The following SVEP1 variants were observed in gnomAD, a reference collection of about 807,000 sequenced individuals.
The protein encoded by SVEP1 is sushi, von Willebrand factor type A, EGF and pentraxin domain containing 1.
A neutral mutation model predicts 367.3 loss-of-function variants in SVEP1; 164 were observed. That is an observed-to-expected ratio of 0.45 (90% CI 0.39 to 0.51). The LOEUF (loss-of-function observed/expected upper bound fraction) is 0.51, where lower values mean the gene tolerates loss of function less well. SVEP1 is among the 20% of genes least tolerant of loss of function. The pLI is 0.00. For synonymous variants in SVEP1, 1,666 were observed against 1,611.6 expected, an observed-to-expected ratio of 1.03 and a Z score of -0.81; for missense variants, 4,117 against 4,425.3, an observed-to-expected ratio of 0.93 and a Z score of 1.98.
chr9:110,517,398 G>A (rs919986385), intron 3 of SVEP1, among the ~76,000 whole-genome samples: 1 of 151,988 alleles, frequency 6.6e-6, no homozygotes, highest in Non-Finnish European at 1.5e-5. Context: ...AGGAGTTCAA[G>A]ACTGCCCTGG....
intron 3 of SVEP1, among the ~76,000 whole-genome samples, chr9:110,545,585 C>T (rs1564172838): frequency 6.6e-6 from 1 of 152,166 alleles, no homozygotes; most frequent in Non-Finnish European, 1.5e-5. Flanking sequence ...TTACCAGTTA[C>T]ATGTGGCCTG....
At chr9:110,428,280 G>T (rs538692457) in intron 35 of SVEP1, among the ~76,000 whole-genome samples, 1 of 152,142 alleles carries the variant, frequency 6.6e-6, no homozygotes, top group Non-Finnish European at 1.5e-5. Flanking sequence ...TTCTCAACTT[G>T]ATTCTGATAG....
intron 18 of SVEP1, among the ~76,000 whole-genome samples, chr9:110,463,691 G>T (rs1384270065): frequency 6.6e-6 from 1 of 151,376 alleles, no homozygotes; most frequent in East Asian, 1.9e-4. Flanking sequence ...AAAGGCAGGT[G>T]AAAGAAAAAG....
At chr9:110,426,384 T>G (rs2118540151) in intron 36 of SVEP1, among the ~76,000 whole-genome samples, 1 of 152,342 alleles carries the variant, frequency 6.6e-6, no homozygotes, top group Non-Finnish European at 1.5e-5. Context: ...ATTGATTTTT[T>G]TTTTCTGGTT....
intron 27 of SVEP1, 92 bp downstream of exon 27, chr9:110,443,453 C>T: frequency 8.6e-7 from 1 of 1,162,162 alleles, no homozygotes; most frequent in African/African-American, 1.6e-5. Flanking sequence ...TTGTTTGAAA[C>T]CAAGAACAAC....
chr9:110,551,223 T>C (rs16915122), intron 1 of SVEP1, among the ~76,000 whole-genome samples: 15,398 of 152,218 alleles, frequency 0.1, 962 homozygotes, highest in East Asian at 0.31. Flanking sequence ...CAATTCACTT[T>C]AGGGTGCAGA....
chr9:110,452,783 A>G (rs1828713104), intron 22 of SVEP1, among the ~76,000 whole-genome samples: 1 of 152,192 alleles, frequency 6.6e-6, no homozygotes, highest in African/African-American at 2.4e-5. Flanking sequence ...TGTCCACTAT[A>G]ATTGATAGAG....
At chr9:110,463,355 TA>T (rs902511236) in intron 18 of SVEP1, among the ~76,000 whole-genome samples, 1 of 152,050 alleles carries the variant, frequency 6.6e-6, no homozygotes, top group African/African-American at 2.4e-5. Context: ...TTATAAAAAG[TA>T]AAATGTACAA....
intron 38 of SVEP1, 81 bp downstream of exon 38, chr9:110,406,079 A>C (rs1827949516): frequency 6.7e-7 from 1 of 1,490,058 alleles, no homozygotes; most frequent in African/African-American, 1.4e-5. Flanking sequence ...TTTCTTCCCA[A>C]TCAGCAAAAT....
In SVEP1 at chr9:110,427,620, C is replaced by T. The variant is rs1396151911; in HGVS notation, c.5946G>A (p.Arg1982=). Residue 1982 remains arginine (R), a synonymous_variant, in exon 36 of 48, where the codon AGG becomes AGA. Transcript: ENST00000374469. ...CTTTGCAAGTGTAAGTGACGGTGTT[C>T]CTGAAAGTGAAGTTATTCCCCGTAA... The part of the protein sequence containing the change: ...AVITGNNFTF[R]NTVTYTCKEG... 1.2e-6 allele frequency: 2 copies of T among 1,613,756 alleles called. No individual in the cohort carries two copies. Among genetic ancestry groups the T allele is most frequent in the Non-Finnish European group, 1.7e-6 (2 of 1,179,782 alleles).
rs1179715759 is a variant in SVEP1 at position 110,496,830 on chromosome 9, G to A, written c.1785C>T (p.Asp595=). The change falls in exon 8 of 48, where the codon GAC becomes GAT. Residue 595 remains aspartate, a synonymous_variant. Transcript: ENST00000374469. ...CAAACCTTACCTTTTCACCAGAGTT[G>A]TCTTTAGCTGTTGGAATCTGCCAGG... ...NVTWQIPTAK[D]NSGEKVSVHV... is the part of the protein sequence containing the mutation. 2 of 1,555,474 alleles carry A rather than the reference G, an allele frequency of 1.3e-6. No individual in the cohort carries two copies. The highest frequency in any genetic ancestry group is 1.7e-6 in the Non-Finnish European group (2 of 1,148,114).
chr9:110,410,984 T>C (rs1464954482), intron 37 of SVEP1, 79 bp downstream of exon 37: 3 of 1,330,778 alleles, frequency 2.3e-6, no homozygotes, highest in African/African-American at 3.0e-5. Context: ...GTGTTTGGAC[T>C]CAATTATTTG....
Position 110,396,316 on chromosome 9 carries a change from A to G in SVEP1, c.9822+4538T>C, listed in dbSNP as rs1827758407. ...TGAAACCAATGAGAACAAAGACACA[A>G]CATACCAGAATCTCTGGGACACATT... is the stretch of plus-strand genomic sequence containing the variant. On this transcript the variant is annotated intron_variant, in intron 40 of 47. Coordinates refer to ENST00000374469, the MANE Select transcript of SVEP1 (RefSeq NM_153366.4). Among the ~76,000 whole-genome samples, 3 of 152,066 alleles carry G rather than the reference A, an allele frequency of 2.0e-5. No homozygotes were observed. In the South Asian group the frequency reaches 6.2e-4, roughly 31 times the overall value.
intron 3 of SVEP1, among the ~76,000 whole-genome samples, chr9:110,528,840 AAAATTT>A (rs1225688354): frequency 1.3e-5 from 2 of 151,630 alleles, no homozygotes; most frequent in African/African-American, 4.8e-5. Flanking sequence ...ATTTTAAATT[AAAATTT>A]AAATTACATT....
intron 13 of SVEP1, among the ~76,000 whole-genome samples, chr9:110,477,703 CT>C (rs1829118448): frequency 6.6e-6 from 1 of 152,118 alleles, no homozygotes; most frequent in Non-Finnish European, 1.5e-5. Flanking sequence ...CTTGACTCTT[CT>C]CTTTATCCCA....
At chr9:110,522,003 G>A (rs1829882130) in intron 3 of SVEP1, among the ~76,000 whole-genome samples, 1 of 151,740 alleles carries the variant, frequency 6.6e-6, no homozygotes, top group Non-Finnish European at 1.5e-5. Context: ...AATTTTCTTA[G>A]GCAAAGGAAT....
chr9:110,408,097 G>T lies in SVEP1; in HGVS notation c.7503C>A (p.Pro2501=). The T allele has an allele frequency of 3.7e-6, 6 of 1,613,888 alleles. No individual in the cohort carries two copies. Among genetic ancestry groups the T allele is most frequent in the Non-Finnish European group, 5.1e-6 (6 of 1,179,866 alleles). ...PTCKAIECLK[P]KEILNGKFSY... ...AGAATTTGCCATTCAAAATCTCCTT[G>T]GGTTTCAGGCACTCAATGGCTTTAC... Residue 2501 remains proline (P), a synonymous_variant, in exon 38 of 48, where the codon CCC becomes CCA. Transcript: ENST00000374469.
At chr9:110,476,976 A>G (rs912633504) in intron 13 of SVEP1, among the ~76,000 whole-genome samples, 1 of 151,986 alleles carries the variant, frequency 6.6e-6, no homozygotes, top group African/African-American at 2.4e-5. Context: ...CACCTGCAGC[A>G]TTTCCCCTCT....
intron 12 of SVEP1, among the ~76,000 whole-genome samples, chr9:110,480,314 G>C (rs1366826860): frequency 6.6e-6 from 1 of 152,088 alleles, no homozygotes; most frequent in Non-Finnish European, 1.5e-5. Context: ...CTCAATCTGT[G>C]AAAGAGGTGA....
Sources: allele counts gnomAD v4.1 joint callset (sites outside exome capture counted in the v4.1 genomes callset), GRCh38; gene constraint gnomAD v4.1.1; transcripts MANE v1.5; gene names NCBI Gene and HGNC (gene_info 2026-07-23, HGNC 2026-07-21).